PCDH20: variants seen among roughly 807,000 people sequenced by gnomAD.
The protein encoded by PCDH20 is protocadherin-20.
A neutral mutation model predicts 39.7 loss-of-function variants in PCDH20; 18 were observed. The observed-to-expected ratio is 0.45, with a 90% confidence interval of 0.31 to 0.67. The LOEUF is 0.67. Among genes scored for constraint, PCDH20 ranks in the 30% least tolerant of loss-of-function variants. The pLI is 0.05. For missense variants in PCDH20, 1,161 were observed against 1,167.4 expected (o/e 0.99, Z 0.08); for synonymous variants, 495 against 455.4 (o/e 1.09, Z -1.11).
At chr13:61,412,025 C>A in exon 2 of PCDH20, 1 of 1,614,054 alleles carries the variant, frequency 6.2e-7, no homozygotes, top group Non-Finnish European at 8.5e-7. Context: ...CTCAGCATAC[C>A]CTTTCCTGTA....
In PCDH20 at chr13:61,415,120, C is replaced by T. The variant is rs374802189; in HGVS notation, c.39G>A (p.Leu13=). ...AGGTCGCCGGGCACCAGCTCACTCC[C>T]AGGGCCTGTGAGCTGCGCGCATTCC... The change falls in exon 1 of 2, where the codon CTG becomes CTA. Residue 13 remains leucine (L), a synonymous_variant. Coordinates refer to ENST00000409204, the Ensembl canonical transcript of PCDH20. 48 of 1,538,012 alleles carry T rather than the reference C, an allele frequency of 3.1e-5. No individual in the cohort carries two copies. The African/African-American group carries it at 6.4e-4, about 21-fold the overall frequency.
chr13:61,415,511 A>T (rs1345588217), exon 1 of PCDH20: 4 of 190,644 alleles, frequency 2.1e-5, no homozygotes, highest in Admixed American at 6.1e-5. Flanking sequence ...AGAGAGGGAG[A>T]ATTAAAATAA....
chr13:61,412,008 T>G, exon 2 of PCDH20: 1 of 1,614,170 alleles, frequency 6.2e-7, no homozygotes, highest in Non-Finnish European at 8.5e-7. Context: ...CCAAAGAGAC[T>G]TTAGCCCTCA....
chr13:61,414,469 A>G (rs1871492113), intron 1 of PCDH20, among the ~76,000 whole-genome samples: 1 of 152,094 alleles, frequency 6.6e-6, no homozygotes, highest in South Asian at 2.1e-4. Context: ...AGAACCATAA[A>G]AACAACCACA....
exon 2 of PCDH20, chr13:61,412,820 C>A (rs1363952905): frequency 6.2e-7 from 1 of 1,613,856 alleles, no homozygotes; most frequent in Non-Finnish European, 8.5e-7. Context: ...TAACGAGGGA[C>A]AATTTCAGGG....
chr13:61,411,331 T>C (rs1379627316), exon 2 of PCDH20: 2 of 1,614,158 alleles, frequency 1.2e-6, no homozygotes, highest in African/African-American at 1.3e-5. Flanking sequence ...CAAATTTTCA[T>C]CTTCCCTGGG....
At chr13:61,413,078 C>A in exon 2 of PCDH20, 1 of 1,614,162 alleles carries the variant, frequency 6.2e-7, no homozygotes, top group African/African-American at 1.3e-5. Flanking sequence ...GCCTGGACAG[C>A]TGCAATTGGG....
exon 1 of PCDH20, chr13:61,415,222 T>C (rs527879038): frequency 7.7e-7 from 1 of 1,295,956 alleles, no homozygotes; most frequent in South Asian, 2.2e-5. Context: ...TCCCTCTCGG[T>C]TCATGCAAAT....
chr13:61,413,960 A>G lies in PCDH20; in HGVS notation c.139T>C (p.Phe47Leu), dbSNP rs749887987. ...GGTCCCACGAAGAGGAAAAACAGAA[A>G]CAGATGCTGGAGTTGGGGGAGGGAA... Residue 47 changes from phenylalanine (F) to leucine (L), a missense_variant, in exon 2 of 2, where the codon TTT becomes CTT. By Grantham distance (22) the Phe-to-Leu change is conservative. Around this residue, in one of 3 missense-constraint regions of PCDH20, gnomAD observed 401 missense variants for 368.7 expected, o/e 1.09. Transcript: ENST00000409204. 3.7e-6 allele frequency: 6 copies of G among 1,605,672 alleles called. No homozygotes were observed. Among genetic ancestry groups the G allele is most frequent in the Middle Eastern group, 1.7e-4 (1 of 6,060 alleles).
At chr13:61,410,875 G>T (rs1410581872) in exon 2 of PCDH20, 1 of 162,336 alleles carries the variant, frequency 6.2e-6, no homozygotes, top group Non-Finnish European at 1.3e-5. Flanking sequence ...TCCTGCAAAG[G>T]AGCAGCTGAT....
At chr13:61,411,643 C>T (rs1047769718) in exon 2 of PCDH20, 28 of 1,614,074 alleles carry the variant, frequency 1.7e-5, no homozygotes, top group Non-Finnish European at 2.4e-5. Flanking sequence ...CACCAGTAAG[C>T]GATGGAGCCC....
rs766306160 is a variant in PCDH20, at chr13:61,415,103, G to C, written c.56C>G (p.Pro19Arg). The change falls in exon 1 of 2, where the codon CCG becomes CGG. Residue 19 changes from proline to arginine, a missense_variant. Physicochemically the swap from Pro to Arg is moderately radical, Grantham distance 103 (BLOSUM62 -2). Coordinates refer to ENST00000409204, the Ensembl canonical transcript of PCDH20. ...ATCCAGGCGCGGGTGCCAGGTCGCC[G>C]GGCACCAGCTCACTCCCAGGGCCTG... The C allele has an allele frequency of 1.7e-5, 27 of 1,557,618 alleles. 1 individual carries two copies. In the South Asian group the frequency reaches 2.8e-4, roughly 16 times the overall value.
rs759671545 is a variant in PCDH20, at chr13:61,413,917, C to T, written c.182G>A (p.Ser61Asn). Residue 61 changes from serine (S) to asparagine (N), a missense_variant, in exon 2 of 2, where the codon AGT becomes AAT. This residue lies in a region of PCDH20 where 401 missense variants were observed against 368.7 expected (regional missense o/e 1.09). Coordinates refer to ENST00000409204, the Ensembl canonical transcript of PCDH20. ...CAGAAGCTCGGTGGCCCGGCTGTAA[C>T]TCCCGAGGCAGCTGAAGGGTCCCAC... 6.2e-7 allele frequency: 1 copy of T among 1,613,148 alleles called. No homozygotes were observed.
chr13:61,412,372 G>A, exon 2 of PCDH20: 1 of 1,614,142 alleles, frequency 6.2e-7, no homozygotes, highest in Non-Finnish European at 8.5e-7. Context: ...TGGAGCATCA[G>A]GTCCCAGAAA....
chr13:61,412,164 G>A (rs1335169902), exon 2 of PCDH20: 1 of 1,614,160 alleles, frequency 6.2e-7, no homozygotes, highest in Admixed American at 1.7e-5. Context: ...GCACAAAAAA[G>A]CTGAAGTCCT....
At chr13:61,411,501 C>T in exon 2 of PCDH20, 2 of 1,614,096 alleles carry the variant, frequency 1.2e-6, no homozygotes, top group Non-Finnish European at 1.7e-6. Flanking sequence ...GTTCTTTCTC[C>T]TCTATATTAA....
chr13:61,410,241 A>G (rs1475056857), exon 2 of PCDH20: 1 of 152,102 alleles, frequency 6.6e-6, no homozygotes, highest in Non-Finnish European at 1.5e-5. Context: ...GGCCCAACTA[A>G]AACAACCAGT....
chr13:61,414,905 G>C (rs894701881), intron 1 of PCDH20, 122 bp downstream of exon 1: 1 of 1,188,718 alleles, frequency 8.4e-7, no homozygotes, highest in South Asian at 3.1e-5. Flanking sequence ...TTTCCCTCCC[G>C]GCGCCATCCT....
exon 2 of PCDH20, chr13:61,413,314 T>G: frequency 1.9e-6 from 3 of 1,613,958 alleles, no homozygotes; most frequent in Non-Finnish European, 2.5e-6. Flanking sequence ...ATTCTCATTC[T>G]CCTCCACGTC....
Sources: gnomAD v4.1 joint callset for allele counts (sites outside exome capture counted in the v4.1 genomes callset) on GRCh38, gnomAD v4.1.1 for gene constraint, gnomAD v4.1.1 regional missense constraint, MANE v1.5 for transcripts, NCBI Gene and HGNC (gene_info 2026-07-23, HGNC 2026-07-21) for gene names.